The following HHIP variants were observed in gnomAD, a reference collection of about 807,000 sequenced individuals.
HHIP encodes hedgehog-interacting protein.
HHIP carries 12 observed loss-of-function variants against 74.0 expected under a neutral mutation model. That is an observed-to-expected ratio of 0.16 (90% CI 0.10 to 0.26). The LOEUF (loss-of-function observed/expected upper bound fraction) is 0.26. Among genes scored for constraint, HHIP ranks in the 10% least tolerant of loss-of-function variants. The probability of loss-of-function intolerance (pLI) is 1.00; values close to 1 mark genes in which losing one functional copy is unlikely to be tolerated. For synonymous variants in HHIP, 309 were observed against 311.6 expected, an observed-to-expected ratio of 0.99 and a Z score of 0.09; for missense variants, 788 against 845.0, an observed-to-expected ratio of 0.93 and a Z score of 0.84.
rs938547838 is a variant in HHIP, at chr4:144,714,275, G to A, written c.1474G>A (p.Val492Ile). 1.9e-6 allele frequency: 3 copies of A among 1,613,434 alleles called. No homozygotes were observed. The highest frequency in any genetic ancestry group is 2.5e-6 in the Non-Finnish European group (3 of 1,179,566). Residue 492 changes from valine to isoleucine, a missense_variant, in exon 9 of 13, where the codon GTT becomes ATT. Transcript: ENST00000296575. ...EFKPFSNGPL[V>I]GGFVYRGCQS... ...CAAGCCATTCAGTAATGGTCCTTTG[G>A]TTGGTGGATTTGTATACCGGGGCTG...
rs199986710 is a variant in HHIP at position 144,712,070 on chromosome 4, T to C, written c.1422T>C (p.Tyr474=). 2.5e-6 allele frequency: 4 copies of C among 1,611,816 alleles called. No individual in the cohort carries two copies. The highest frequency in any genetic ancestry group is 1.1e-5 in the South Asian group (1 of 90,892). The change falls in exon 8 of 13, where the codon TAT becomes TAC. Residue 474 remains tyrosine, a splice_region_variant and synonymous_variant. Transcript: ENST00000296575. ...TACAGATAATAAAGGGGAAAGATTA[T>C]GGTATGTAGAGCATAATTTGCTGAT... ...RILQIIKGKD[Y]ESEPSLLEFK...
chr4:144,712,911 C>T (rs1321574436), intron 8 of HHIP, among the ~76,000 whole-genome samples: 3 of 104,408 alleles, frequency 2.9e-5, no homozygotes, highest in East Asian at 2.5e-4. Flanking sequence ...TGTGTGTGCA[C>T]GCGCATCTTT....
intron 4 of HHIP, among the ~76,000 whole-genome samples, chr4:144,688,271 GA>G (rs1016729139): frequency 1.9e-4 from 29 of 149,990 alleles, no homozygotes; most frequent in Middle Eastern, 3.4e-3. Flanking sequence ...GTTGAAGCAG[GA>G]AAAAAAAAAT....
At chr4:144,695,477 A>G (rs1030511200) in intron 4 of HHIP, among the ~76,000 whole-genome samples, 2 of 151,764 alleles carry the variant, frequency 1.3e-5, no homozygotes, top group African/African-American at 4.8e-5. Flanking sequence ...GCTACTATCA[A>G]AAATACACAT....
At chr4:144,700,918 T>G (rs934557499) in intron 4 of HHIP, among the ~76,000 whole-genome samples, 19 of 152,198 alleles carry the variant, frequency 1.2e-4, no homozygotes, top group South Asian at 1.0e-3. Context: ...AACAAACCTG[T>G]TTTGCCATTT....
intron 11 of HHIP, among the ~76,000 whole-genome samples, chr4:144,723,600 A>G (rs1299224532): frequency 6.6e-6 from 1 of 152,198 alleles, no homozygotes; most frequent in Non-Finnish European, 1.5e-5. Context: ...AGTTTTATGC[A>G]AGTGGCCCCC....
At chr4:144,717,623 G>A (rs1451561164) in intron 10 of HHIP, among the ~76,000 whole-genome samples, 8 of 152,130 alleles carry the variant, frequency 5.3e-5, no homozygotes, top group African/African-American at 1.9e-4. Flanking sequence ...AAGTAGTGGT[G>A]ATAAACGGGG....
At chr4:144,722,350 A>C (rs2126675160) in intron 11 of HHIP, among the ~76,000 whole-genome samples, 1 of 152,256 alleles carries the variant, frequency 6.6e-6, no homozygotes, top group South Asian at 2.1e-4. Context: ...TGTCCATCAA[A>C]AATATATAGA....
chr4:144,732,389 G>A (rs1022898562), intron 11 of HHIP, among the ~76,000 whole-genome samples: 6 of 152,116 alleles, frequency 3.9e-5, no homozygotes, highest in Admixed American at 1.3e-4. Flanking sequence ...TACTACATCC[G>A]TGGGTAAACA....
intron 4 of HHIP, among the ~76,000 whole-genome samples, chr4:144,689,201 C>T (rs919535553): frequency 1.2e-4 from 19 of 152,110 alleles, no homozygotes; most frequent in African/African-American, 4.3e-4. Flanking sequence ...TTCTTTATAA[C>T]AAACAGGAAA....
chr4:144,664,891 T>A (rs12501043), intron 4 of HHIP, among the ~76,000 whole-genome samples: 1 of 152,036 alleles, frequency 6.6e-6, no homozygotes, highest in Admixed American at 6.5e-5. Context: ...AAGAGAGTTG[T>A]TATAGTGGTG....
rs202158175 is a variant in HHIP at position 144,715,356 on chromosome 4, T to C, written c.1604T>C (p.Leu535Pro). The change falls in exon 10 of 13, where the codon CTC (leucine) becomes CCC (proline). Residue 535 changes from leucine (L) to proline (P), a missense_variant. By Grantham distance (98) the Leu-to-Pro change is moderately conservative. Transcript: ENST00000296575. ...ACAAAGCAGTGGCAAGAAAAACCAC[T>C]CTGTCTCGGCACTAGTGGGTCCTGT... ...PVTKQWQEKP[L>P]CLGTSGSCRG... The C allele has an allele frequency of 1.2e-6, 2 of 1,613,580 alleles. No individual in the cohort carries two copies. Among genetic ancestry groups the C allele is most frequent in the African/African-American group, 1.3e-5 (1 of 75,032 alleles).
At chr4:144,660,860 A>G (rs546772353) in intron 4 of HHIP, among the ~76,000 whole-genome samples, 1 of 152,260 alleles carries the variant, frequency 6.6e-6, no homozygotes, top group African/African-American at 2.4e-5. Flanking sequence ...CTTAATATTC[A>G]TTCACAAAAA....
At chr4:144,661,504 T>G (rs1256697575) in intron 4 of HHIP, 1 of 152,192 alleles carries the variant, frequency 6.6e-6, no homozygotes. Context: ...GTCCACGAGA[T>G]AGGAATATAT....
chr4:144,729,484 C>T (rs1730891092), intron 11 of HHIP, among the ~76,000 whole-genome samples: 1 of 152,218 alleles, frequency 6.6e-6, no homozygotes, highest in African/African-American at 2.4e-5. Flanking sequence ...AGAAACAGGC[C>T]TCACAAACTT....
chr4:144,713,224 C>T (rs1207605448), intron 8 of HHIP, among the ~76,000 whole-genome samples: 1 of 152,096 alleles, frequency 6.6e-6, no homozygotes. Context: ...GAAACTGAGG[C>T]ACAGAAAGAT....
At chr4:144,659,057 C>A in intron 3 of HHIP, 111 bp downstream of exon 3, 1 of 793,868 alleles carries the variant, frequency 1.3e-6, no homozygotes, top group Non-Finnish European at 1.9e-6. Flanking sequence ...CTATATCCTC[C>A]AGATGCTTTA....
intron 4 of HHIP, chr4:144,685,608 T>C (rs1001706963): frequency 3.9e-5 from 6 of 152,174 alleles, no homozygotes; most frequent in African/African-American, 1.4e-4. Context: ...CAGGACCTTC[T>C]CATCCTTTTC....
chr4:144,686,834 C>T (rs915454697), intron 4 of HHIP, among the ~76,000 whole-genome samples: 4 of 152,178 alleles, frequency 2.6e-5, no homozygotes, highest in African/African-American at 7.2e-5. Flanking sequence ...GTTGTCAGAG[C>T]TTTCTGGTAG....
Sources: allele counts gnomAD v4.1 joint callset (sites outside exome capture counted in the v4.1 genomes callset), GRCh38; gene constraint gnomAD v4.1.1; transcripts MANE v1.5; gene names NCBI Gene and HGNC (gene_info 2026-07-23, HGNC 2026-07-21).